Variants in LRRC37A2 observed in about 807,000 individuals in gnomAD.
LRRC37A2 encodes the protein leucine-rich repeat-containing protein 37A2.
LRRC37A2 carries 9 observed loss-of-function variants against 68.8 expected under a neutral mutation model. That is an observed-to-expected ratio of 0.13 (90% CI 0.08 to 0.23). The LOEUF (loss-of-function observed/expected upper bound fraction) is 0.23. Ranked by LOEUF, LRRC37A2 falls within the 10% of genes least tolerant of loss-of-function variation. LRRC37A2 has a pLI of 1.00. For synonymous variants in LRRC37A2, 63 were observed against 367.6 expected (o/e 0.17, Z 9.48); for missense variants, 168 against 950.4 (o/e 0.18, Z 10.82).
chr17:46,798,528 T>C, the LRRC37A2 span, among the ~76,000 whole-genome samples: 1 of 152,222 alleles, frequency 6.6e-6, no homozygotes, highest in Admixed American at 6.5e-5. Flanking sequence ...GCACATCAGC[T>C]CTTCTTCACC....
the LRRC37A2 span, among the ~76,000 whole-genome samples, chr17:46,907,878 A>C: frequency 6.6e-6 from 1 of 151,602 alleles, no homozygotes; most frequent in African/African-American, 2.4e-5. Context: ...TGTGTGCGCT[A>C]TTTTCTGAAA....
At chr17:46,907,691 A>C in the LRRC37A2 span, among the ~76,000 whole-genome samples, 3 of 124,498 alleles carry the variant, frequency 2.4e-5, no homozygotes, top group African/African-American at 7.9e-5. Context: ...AAAAAAAACA[A>C]AAAACCCAAA....
At chr17:46,896,090 A>G in the LRRC37A2 span, among the ~76,000 whole-genome samples, 5 of 152,074 alleles carry the variant, frequency 3.3e-5, no homozygotes, top group Admixed American at 6.5e-5. Flanking sequence ...CATCCTGGCT[A>G]ACATGGTGAA....
chr17:46,742,259 G>A, the LRRC37A2 span, among the ~76,000 whole-genome samples: 4 of 152,188 alleles, frequency 2.6e-5, no homozygotes, highest in Non-Finnish European at 5.9e-5. Flanking sequence ...GCTCAGAGGT[G>A]TAGACTCTGA....
chr17:46,490,488 C>T, the LRRC37A2 span, among the ~76,000 whole-genome samples: 3 of 151,044 alleles, frequency 2.0e-5, no homozygotes, highest in Admixed American at 6.6e-5. Flanking sequence ...TTTGGGAGGC[C>T]GAGGCGGGTG....
chr17:46,883,345 C>A, the LRRC37A2 span, among the ~76,000 whole-genome samples: 1 of 147,118 alleles, frequency 6.8e-6, no homozygotes, highest in African/African-American at 2.5e-5. Context: ...AGTGCAATGG[C>A]GCAATCTTGG....
the LRRC37A2 span, among the ~76,000 whole-genome samples, chr17:46,942,370 T>C: frequency 1.3e-5 from 2 of 152,206 alleles, no homozygotes; most frequent in Non-Finnish European, 2.9e-5. Flanking sequence ...ACTTATGTTC[T>C]CCATCATTTA....
chr17:46,760,328 A>C, the LRRC37A2 span, among the ~76,000 whole-genome samples: 1 of 152,184 alleles, frequency 6.6e-6, no homozygotes, highest in East Asian at 1.9e-4. Context: ...AATATTTGGC[A>C]ATCTTATTGA....
the LRRC37A2 span, among the ~76,000 whole-genome samples, chr17:46,993,802 G>A: frequency 6.6e-6 from 1 of 152,162 alleles, no homozygotes; most frequent in African/African-American, 2.4e-5. Flanking sequence ...CCCTACATGT[G>A]CCCGGGCTGA....
chr17:46,828,405 C>G, the LRRC37A2 span, among the ~76,000 whole-genome samples: 1 of 151,944 alleles, frequency 6.6e-6, no homozygotes, highest in Non-Finnish European at 1.5e-5. Context: ...CATCATGTTG[C>G]CCAGCCAGGG....
the LRRC37A2 span, chr17:46,876,808 T>C: frequency 6.9e-7 from 1 of 1,450,848 alleles, no homozygotes. Flanking sequence ...CAGACTGTCA[T>C]CACATGCATG....
the LRRC37A2 span, chr17:46,916,631 C>T: frequency 1.3e-5 from 2 of 152,230 alleles, no homozygotes; most frequent in Non-Finnish European, 2.9e-5. Context: ...AGTATTTGTA[C>T]GTAGAGTGAA....
At chr17:46,875,476 G>A in the LRRC37A2 span, 1 of 1,389,752 alleles carries the variant, frequency 7.2e-7, no homozygotes, top group Middle Eastern at 2.1e-4. Context: ...GAAGAGCCGT[G>A]AACTTCATAA....
At chr17:46,918,318 T>A in the LRRC37A2 span, among the ~76,000 whole-genome samples, 1 of 152,190 alleles carries the variant, frequency 6.6e-6, no homozygotes, top group Non-Finnish European at 1.5e-5. Flanking sequence ...GACCTCGTGA[T>A]CCGCCCACCT....
chr17:46,558,971 C>T (rs2145992874), downstream of LRRC37A2: 1 of 105,784 alleles, frequency 9.5e-6, no homozygotes, highest in East Asian at 3.5e-4. Context: ...AGTCCCCGCG[C>T]CCGGCAAAGC....
the LRRC37A2 span, chr17:46,751,634 C>G: frequency 6.7e-7 from 1 of 1,501,226 alleles, no homozygotes; most frequent in Admixed American, 1.7e-5. Flanking sequence ...ACTTCGTTCT[C>G]CGTATGACTC....
chr17:46,795,913 CGTGTGCACACAT>C, the LRRC37A2 span, among the ~76,000 whole-genome samples: 1 of 152,264 alleles, frequency 6.6e-6, no homozygotes, highest in Non-Finnish European at 1.5e-5. Flanking sequence ...CGCACACACA[CGTGTGCACACAT>C]GTTAAATTCT....
chr17:46,681,577 G>C, the LRRC37A2 span, among the ~76,000 whole-genome samples: 4 of 150,800 alleles, frequency 2.7e-5, no homozygotes, highest in African/African-American at 9.8e-5. Context: ...AAAAAACCTA[G>C]TAAGCTGTAC....
At chr17:46,905,336 A>T in the LRRC37A2 span, among the ~76,000 whole-genome samples, 15 of 152,254 alleles carry the variant, frequency 9.9e-5, no homozygotes, top group Admixed American at 9.8e-4. Flanking sequence ...TCGGCCTCCC[A>T]AAGTGCTGGG....
Sources: allele counts gnomAD v4.1 joint callset (sites outside exome capture counted in the v4.1 genomes callset), GRCh38; gene constraint gnomAD v4.1.1; transcripts MANE v1.5; gene names NCBI Gene and HGNC (gene_info 2026-07-23, HGNC 2026-07-21).